Variants in SLC14A2 observed in about 807,000 individuals in gnomAD.
The protein encoded by SLC14A2 is solute carrier family 14 member 2.
In SLC14A2, 91 loss-of-function variants were observed where a neutral mutation model predicts 104.6. The ratio of observed to expected loss-of-function variants is 0.87; its 90% CI spans 0.73 to 1.04. The LOEUF is 1.04. Ranked by LOEUF, SLC14A2 falls within the 50% of genes least tolerant of loss-of-function variation. SLC14A2 has a pLI of 0.00. For synonymous variants in SLC14A2, 476 were observed against 466.4 expected, an observed-to-expected ratio of 1.02 and a Z score of -0.27; for missense variants, 1,189 against 1,156.0, an observed-to-expected ratio of 1.03 and a Z score of -0.41.
chr18:45,682,492 A>G lies in SLC14A2; in HGVS notation c.2736A>G (p.Thr912=), dbSNP rs938740459. The change falls in exon 20 of 20, where the codon ACA becomes ACG. Residue 912 remains threonine (T), a synonymous_variant. Transcript: ENST00000255226. The part of the protein sequence containing the change: ...QERNRRASII[T]KYQAYDVS ...GAAACAGAAGGGCATCAATCATAACAAAGTATCAGGCCTACGATGTCTCCT... is the reference window on the plus strand; with the variant it reads ...GAAACAGAAGGGCATCAATCATAACGAAGTATCAGGCCTACGATGTCTCCT... 1.9e-6 allele frequency: 3 copies of G among 1,614,144 alleles called. No individual in the cohort carries two copies. In the Admixed American group the frequency reaches 5.0e-5, roughly 27 times the overall value.
intron 1 of SLC14A2, among the ~76,000 whole-genome samples, chr18:45,270,754 TCCAGAGC>T (rs1183897088): frequency 6.6e-6 from 1 of 152,116 alleles, no homozygotes; most frequent in Non-Finnish European, 1.5e-5. Flanking sequence ...AGTATTCAAG[TCCAGAGC>T]CTGCCAAGAA....
chr18:45,385,394 C>A (rs1366161308), intron 1 of SLC14A2, among the ~76,000 whole-genome samples: 1 of 152,208 alleles, frequency 6.6e-6, no homozygotes, highest in African/African-American at 2.4e-5. Flanking sequence ...AGAAACACAT[C>A]TCAGCCCTTC....
intron 10 of SLC14A2, among the ~76,000 whole-genome samples, chr18:45,661,010 C>T (rs577277925): frequency 3.9e-5 from 6 of 152,336 alleles, no homozygotes; most frequent in South Asian, 4.1e-4. Context: ...GCCCAGCACT[C>T]CAGTCTTGGC....
At chr18:45,499,622 C>A (rs1204324726) in intron 2 of SLC14A2, among the ~76,000 whole-genome samples, 2 of 152,154 alleles carry the variant, frequency 1.3e-5, no homozygotes, top group Non-Finnish European at 1.5e-5. Flanking sequence ...TTGCAAACTT[C>A]TAAGTATTAC....
intron 16 of SLC14A2, among the ~76,000 whole-genome samples, chr18:45,669,711 A>G (rs1302009220): frequency 1.3e-5 from 2 of 152,232 alleles, no homozygotes. Context: ...TAGCACAGAG[A>G]AGGAAACTGC....
At chr18:45,392,209 C>T (rs1459481932) in intron 1 of SLC14A2, among the ~76,000 whole-genome samples, 3 of 152,172 alleles carry the variant, frequency 2.0e-5, no homozygotes, top group South Asian at 2.1e-4. Context: ...CCACTGTGGC[C>T]CCCCAGAGAA....
intron 1 of SLC14A2, among the ~76,000 whole-genome samples, chr18:45,242,795 C>G (rs561847659): frequency 1.3e-5 from 2 of 152,158 alleles, no homozygotes; most frequent in Non-Finnish European, 2.9e-5. Flanking sequence ...TGAGATGTTG[C>G]AACAAGTCAC....
chr18:45,258,965 A>C (rs966158468), intron 1 of SLC14A2, among the ~76,000 whole-genome samples: 1 of 152,202 alleles, frequency 6.6e-6, no homozygotes, highest in African/African-American at 2.4e-5. Flanking sequence ...GCAGCGTCTC[A>C]TCCAGGAACT....
At chr18:45,590,808 GCTAAGGCACTGTT>G (rs1244956209) in intron 2 of SLC14A2, among the ~76,000 whole-genome samples, 1 of 152,252 alleles carries the variant, frequency 6.6e-6, no homozygotes, top group Admixed American at 6.5e-5. Flanking sequence ...CTTACAGTGT[GCTAAGGCACTGTT>G]CTAAGGCACT....
chr18:45,418,961 G>A (rs773818162), intron 1 of SLC14A2, among the ~76,000 whole-genome samples: 2 of 152,146 alleles, frequency 1.3e-5, no homozygotes, highest in Non-Finnish European at 2.9e-5. Context: ...AGGGGAGGAC[G>A]GTTAGGAAAA....
rs139932546 is a variant in SLC14A2, at chr18:45,361,085, G to A, written c.-124-122148G>A. ...CTGAAACTGGGTAGCACATCTTGTC[G>A]TTCCTGTCAGACCACCCAGCTAGAA... is the stretch of plus-strand genomic sequence containing the variant. On this transcript the variant is annotated intron_variant, in intron 1 of 20. Transcript: ENST00000586448. 6.0e-3 allele frequency among the ~76,000 whole-genome samples: 916 copies of A among 152,180 alleles called. 11 individuals carry two copies. The highest frequency in any genetic ancestry group is 0.02 in the African/African-American group (845 of 41,514).
At chr18:45,392,100 A>C (rs192970583) in intron 1 of SLC14A2, among the ~76,000 whole-genome samples, 5 of 152,332 alleles carry the variant, frequency 3.3e-5, no homozygotes, top group African/African-American at 1.2e-4. Context: ...GGACACGCAG[A>C]AAGTAGTGAA....
intron 1 of SLC14A2, among the ~76,000 whole-genome samples, chr18:45,305,949 G>A (rs925991600): frequency 6.6e-6 from 1 of 152,104 alleles, no homozygotes; most frequent in East Asian, 1.9e-4. Flanking sequence ...ACTTTAATTA[G>A]GGAGCATATT....
chr18:45,287,262 A>T (rs774930015), intron 1 of SLC14A2, among the ~76,000 whole-genome samples: 1 of 152,238 alleles, frequency 6.6e-6, no homozygotes, highest in African/African-American at 2.4e-5. Flanking sequence ...ACCTGCTAGC[A>T]TTAATTAGAA....
intron 1 of SLC14A2, among the ~76,000 whole-genome samples, chr18:45,289,893 G>A (rs183098697): frequency 3.9e-4 from 59 of 152,264 alleles, no homozygotes; most frequent in African/African-American, 1.3e-3. Context: ...TCACTCAGTG[G>A]CCTGATAGAT....
chr18:45,632,589 C>T (rs1371943680), intron 5 of SLC14A2, 111 bp downstream of exon 5: 2 of 1,192,992 alleles, frequency 1.7e-6, no homozygotes, highest in Admixed American at 2.3e-5. Context: ...CCCTTCATAG[C>T]CAAGTTAGCT....
intron 2 of SLC14A2, among the ~76,000 whole-genome samples, chr18:45,526,968 T>A (rs1450908496): frequency 6.6e-6 from 1 of 152,180 alleles, no homozygotes; most frequent in Non-Finnish European, 1.5e-5. Flanking sequence ...GGATGGATAA[T>A]AATGGAAGGC....
chr18:45,605,025 G>A (rs1050496030), intron 2 of SLC14A2, among the ~76,000 whole-genome samples: 9 of 152,098 alleles, frequency 5.9e-5, no homozygotes, highest in African/African-American at 2.2e-4. Flanking sequence ...TCTGCACAAT[G>A]AGGCTTCCAC....
intron 1 of SLC14A2, among the ~76,000 whole-genome samples, chr18:45,306,460 A>G (rs1285588881): frequency 6.6e-6 from 1 of 152,244 alleles, no homozygotes; most frequent in Non-Finnish European, 1.5e-5. Context: ...CTGCCCTCGT[A>G]GCATGAAAGC....
Sources: gnomAD v4.1 joint callset for allele counts (sites outside exome capture counted in the v4.1 genomes callset) on GRCh38, gnomAD v4.1.1 for gene constraint, MANE v1.5 for transcripts, NCBI Gene and HGNC (gene_info 2026-07-23, HGNC 2026-07-21) for gene names.